COL14A1: variants seen among roughly 807,000 people sequenced by gnomAD.
The protein encoded by COL14A1 is collagen type XIV alpha 1 chain, also known as collagen alpha-1(XIV) chain.
In COL14A1, 136 loss-of-function variants were observed where a neutral mutation model predicts 230.3. That is an observed-to-expected ratio of 0.59 (90% CI 0.51 to 0.68). The LOEUF (loss-of-function observed/expected upper bound fraction) is 0.68, where lower values mean the gene tolerates loss of function less well. COL14A1 is among the 30% of genes least tolerant of loss of function. The probability of loss-of-function intolerance (pLI) is 0.00; values close to 1 mark genes in which losing one functional copy is unlikely to be tolerated. For synonymous variants in COL14A1, 792 were observed against 784.1 expected, an observed-to-expected ratio of 1.01 and a Z score of -0.17; for missense variants, 1,976 against 2,215.8, an observed-to-expected ratio of 0.89 and a Z score of 2.17.
intron 31 of COL14A1, among the ~76,000 whole-genome samples, chr8:120,281,608 C>T (rs1820043798): frequency 6.6e-6 from 1 of 151,728 alleles, no homozygotes; most frequent in Admixed American, 6.6e-5. Context: ...GCACTACTCC[C>T]AGCCATCTTT....
At chr8:120,261,957 T>C in intron 23 of COL14A1, among the ~76,000 whole-genome samples, 1 of 152,154 alleles carries the variant, frequency 6.6e-6, no homozygotes, top group East Asian at 1.9e-4. Context: ...GTGGTCCCAG[T>C]GCTGCTGCAA....
At chr8:120,167,936 G>T (rs906230881) in intron 4 of COL14A1, among the ~76,000 whole-genome samples, 2 of 152,178 alleles carry the variant, frequency 1.3e-5, no homozygotes, top group African/African-American at 4.8e-5. Context: ...TGCCCATAGT[G>T]CATACTCAGC....
At chr8:120,310,115 A>T in intron 37 of COL14A1, 53 bp downstream of exon 37, 1 of 1,568,598 alleles carries the variant, frequency 6.4e-7, no homozygotes, top group South Asian at 1.1e-5. Context: ...TCTCTCTCAT[A>T]AATAGCCATC....
chr8:120,279,409 T>A (rs1819966430), intron 28 of COL14A1, among the ~76,000 whole-genome samples: 1 of 152,098 alleles, frequency 6.6e-6, no homozygotes, highest in African/African-American at 2.4e-5. Context: ...CCTCTTAATC[T>A]GTAAAATAGA....
chr8:120,350,275 C>A (rs1822700650), intron 45 of COL14A1, among the ~76,000 whole-genome samples: 1 of 151,604 alleles, frequency 6.6e-6, no homozygotes, highest in Admixed American at 6.6e-5. Flanking sequence ...CCAGCCGCTG[C>A]AAAATCATGC....
intron 5 of COL14A1, among the ~76,000 whole-genome samples, chr8:120,195,991 T>C (rs1817024192): frequency 6.6e-6 from 1 of 152,146 alleles, no homozygotes; most frequent in East Asian, 1.9e-4. Context: ...CCTCCTCCAT[T>C]GTTGTAGAGA....
At position 120,126,158 on chromosome 8, in the gene COL14A1, A is replaced by G. The variant is rs558708373; in HGVS notation, c.-38+818A>G. Among the ~76,000 whole-genome samples the G allele has an allele frequency of 5.3e-5, 8 of 152,224 alleles. No individual in the cohort carries two copies. In the South Asian group the frequency reaches 1.7e-3, roughly 32 times the overall value. ...CACCCCGCGCCCCCTCAGGCCTCCT[A>G]TTACACAGCGCCTGGGCGGATAGGC... is the stretch of plus-strand genomic sequence containing the variant. On this transcript the variant is annotated intron_variant, in intron 1 of 47. Transcript: ENST00000297848.
At chr8:120,363,298 C>A (rs1033504721) in intron 45 of COL14A1, among the ~76,000 whole-genome samples, 2 of 152,072 alleles carry the variant, frequency 1.3e-5, no homozygotes, top group Non-Finnish European at 2.9e-5. Flanking sequence ...AAGCTAGAAG[C>A]CATCATCCTC....
intron 40 of COL14A1, among the ~76,000 whole-genome samples, chr8:120,319,386 G>A (rs547866732): frequency 6.6e-6 from 1 of 151,782 alleles, no homozygotes; most frequent in East Asian, 1.9e-4. Context: ...TGTTGCCCAG[G>A]GTGGTCTCAA....
At chr8:120,315,884 T>C in intron 39 of COL14A1, 60 bp from the exon 40 acceptor site, 2 of 1,558,806 alleles carry the variant, frequency 1.3e-6, no homozygotes, top group Non-Finnish European at 1.8e-6. Flanking sequence ...TCAGGGAAGC[T>C]GCGTGAGCAG....
intron 45 of COL14A1, among the ~76,000 whole-genome samples, chr8:120,361,550 C>T (rs1423268267): frequency 6.6e-6 from 1 of 152,210 alleles, no homozygotes; most frequent in African/African-American, 2.4e-5. Context: ...TAGGCATTCA[C>T]ACAAACATTG....
At chr8:120,303,202 C>T (rs373096142) in intron 36 of COL14A1, among the ~76,000 whole-genome samples, 46 of 152,284 alleles carry the variant, frequency 3.0e-4, no homozygotes, top group African/African-American at 9.9e-4. Flanking sequence ...AGTTTGACTC[C>T]TTGTCTTCCT....
intron 7 of COL14A1, 126 bp from the exon 8 acceptor site, chr8:120,199,276 T>A: frequency 1.3e-6 from 1 of 781,880 alleles, no homozygotes; most frequent in Non-Finnish European, 1.9e-6. Flanking sequence ...ATTACAAAAA[T>A]GAAGATTTGC....
chr8:120,358,322 A>G (rs1433130164), intron 45 of COL14A1, among the ~76,000 whole-genome samples: 1 of 152,162 alleles, frequency 6.6e-6, no homozygotes, highest in Non-Finnish European at 1.5e-5. Flanking sequence ...TCTTACAATG[A>G]GGCTACATTG....
intron 14 of COL14A1, among the ~76,000 whole-genome samples, chr8:120,221,832 T>C (rs1317357116): frequency 5.3e-5 from 8 of 152,156 alleles, no homozygotes; most frequent in African/African-American, 4.8e-5. Flanking sequence ...TAGTGTTTGA[T>C]AGGTAAAGGT....
intron 35 of COL14A1, among the ~76,000 whole-genome samples, chr8:120,298,803 A>T (rs1490665873): frequency 6.6e-6 from 1 of 151,022 alleles, no homozygotes; most frequent in East Asian, 2.0e-4. Flanking sequence ...TAACCGTATT[A>T]GTTTGTTCTC....
At chr8:120,236,651 C>T (rs1356112319) in intron 19 of COL14A1, among the ~76,000 whole-genome samples, 1 of 152,100 alleles carries the variant, frequency 6.6e-6, no homozygotes, top group Admixed American at 6.6e-5. Context: ...TGAATTCGAT[C>T]CCGTCATTAT....
rs1054829876 is a variant in COL14A1, at chr8:120,125,255, C to A, written c.-123C>A. On this transcript the variant is annotated 5_prime_UTR_variant, in exon 1 of 48. Transcript: ENST00000297848. ...GAGGGAAGAGAGCAAGGGCGGTGCG[C>A]CGCCAAGGACCAACTAGCGGCGGAG... The A allele has an allele frequency of 2.1e-4, 32 of 152,370 alleles. No individual in the cohort carries two copies. Among genetic ancestry groups the A allele is most frequent in the African/African-American group, 7.5e-4 (31 of 41,466 alleles). 9.4% of individuals were successfully genotyped at this position (152,370 alleles called of 1,614,324 possible).
At chr8:120,263,094 T>G (rs1819391957) in intron 24 of COL14A1, 80 bp downstream of exon 24, 1 of 1,416,160 alleles carries the variant, frequency 7.1e-7, no homozygotes, top group African/African-American at 1.5e-5. Flanking sequence ...TTATCCCATT[T>G]AGAAAAATAT....
Sources: allele counts gnomAD v4.1 joint callset (sites outside exome capture counted in the v4.1 genomes callset), GRCh38; gene constraint gnomAD v4.1.1; transcripts MANE v1.5; gene names NCBI Gene and HGNC (gene_info 2026-07-23, HGNC 2026-07-21).